Variants in LILRB3 observed in about 807,000 individuals in gnomAD.
LILRB3 encodes the protein leukocyte immunoglobulin like receptor B3, also known as leukocyte immunoglobulin-like receptor subfamily B member 3.
In LILRB3, 32 loss-of-function variants were observed where a neutral mutation model predicts 68.2. That is an observed-to-expected ratio of 0.47 (90% CI 0.35 to 0.63). The LOEUF (loss-of-function observed/expected upper bound fraction) is 0.63. Among genes scored for constraint, LILRB3 ranks in the 30% least tolerant of loss-of-function variants. The probability of loss-of-function intolerance (pLI) is 0.00; values close to 1 mark genes in which losing one functional copy is unlikely to be tolerated. For missense variants in LILRB3, 502 were observed against 791.3 expected, an observed-to-expected ratio of 0.63 and a Z score of 4.39; for synonymous variants, 185 against 323.1, an observed-to-expected ratio of 0.57 and a Z score of 4.58.
chr19:54,217,063 G>A (rs762130070), exon 13 of LILRB3: 4 of 1,614,118 alleles, frequency 2.5e-6, no homozygotes, highest in Admixed American at 1.7e-5. Context: ...GTCTCCTTCT[G>A]CTGAGTGTGG....
In LILRB3 at chr19:54,219,310, G is replaced by A. The variant is rs913555429; in HGVS notation, c.1310-65C>T. The A allele has an allele frequency of 2.5e-5, 38 of 1,506,432 alleles. 1 individual carries two copies. The South Asian group carries it at 2.7e-4, about 11-fold the overall frequency. 93.3% of individuals were successfully genotyped at this position (1,506,432 alleles called of 1,614,324 possible). A position where few individuals can be genotyped will look rare whatever the true frequency, so the allele number is the denominator to read the frequency against. ...ATGTGAGCACCTACTGTGTGCAGGC[G>A]CGAGCCAGGTCTTTCCTTCGTGACC... On this transcript the variant is annotated intron_variant, in intron 7 of 12. Coordinates refer to ENST00000445347, the Ensembl canonical transcript of LILRB3.
rs915455817 is a variant in LILRB3, at chr19:54,216,918, C to T, written c.*175G>A. On this transcript the variant is annotated 3_prime_UTR_variant, in exon 13 of 13. Coordinates refer to ENST00000445347, the Ensembl canonical transcript of LILRB3. ...CTGTTGCTTTATTTCCAAAATGGGA[C>T]GATATTAGTCATCTTTGAGTCAGGT... 8.3e-6 allele frequency: 12 copies of T among 1,444,618 alleles called. No homozygotes were observed. The South Asian group carries it at 9.0e-5, about 11-fold the overall frequency. The allele number at this position is 1,444,618 out of a possible 1,614,324, so 89.5% of individuals were successfully genotyped here.
chr19:54,219,828 C>T (rs1203167987), intron 7 of LILRB3: 1 of 1,539,960 alleles, frequency 6.5e-7, no homozygotes, highest in Admixed American at 2.0e-5. Flanking sequence ...CCCTGCCTCC[C>T]CTGGACCCCG....
At position 54,216,797 on chromosome 19, in the gene LILRB3, A is replaced by T. The variant is rs958671134; in HGVS notation, c.*296T>A. On this transcript the variant is annotated 3_prime_UTR_variant, in exon 13 of 13. Transcript: ENST00000445347. ...AGCCTTAACTTCTTGTGTTCAAGGA[A>T]TCCTCCCCACTCAGCCTCCTGAGTA... 3.1e-6 allele frequency: 4 copies of T among 1,276,154 alleles called. No individual in the cohort carries two copies. In the African/African-American group the frequency reaches 6.0e-5, roughly 19 times the overall value. The allele number at this position is 1,276,154 out of a possible 1,614,324, so 79.1% of individuals were successfully genotyped here.
At position 54,222,944 on chromosome 19, in the gene LILRB3, A is replaced by C. The variant is rs80332440; in HGVS notation, c.33T>G (p.Leu11=). The change falls in exon 1 of 13, where the codon CTT becomes CTG. Residue 11 remains leucine (L), a splice_region_variant and synonymous_variant. Coordinates refer to ENST00000445347, the Ensembl canonical transcript of LILRB3. ...CCCCTCCCCATCTTGAAATCTCACCAAGGCAGAGCAGGGCTGTGAGGGCGG... is the reference window on the plus strand; with the variant it reads ...CCCCTCCCCATCTTGAAATCTCACCCAGGCAGAGCAGGGCTGTGAGGGCGG... The C allele has an allele frequency of 1.9e-6, 3 of 1,612,534 alleles. No individual in the cohort carries two copies. In the East Asian group the frequency reaches 6.7e-5, roughly 36 times the overall value.
exon 8 of LILRB3, chr19:54,219,228 C>T (rs1170219037): frequency 6.3e-7 from 1 of 1,586,080 alleles, no homozygotes; most frequent in Non-Finnish European, 8.6e-7. Context: ...ATCAAAACCT[C>T]CAGGTATCTT....
intron 11 of LILRB3, chr19:54,217,776 G>C: frequency 3.4e-6 from 2 of 588,140 alleles, no homozygotes; most frequent in Middle Eastern, 4.6e-4. Context: ...AGAGGATCAT[G>C]TGCCCCACTC....
chr19:54,218,504 G>A (rs2077717455), intron 10 of LILRB3, 91 bp from the exon 11 acceptor site: 10 of 1,603,544 alleles, frequency 6.2e-6, no homozygotes, highest in African/African-American at 4.0e-5. Context: ...TGGGGCCACC[G>A]AATGCAGGGA....
intron 11 of LILRB3, among the ~76,000 whole-genome samples, chr19:54,217,952 G>A (rs2077654655): frequency 2.0e-5 from 3 of 149,522 alleles, no homozygotes; most frequent in African/African-American, 7.6e-5. Flanking sequence ...ACCGTGAGGT[G>A]AGCTCAGGAG....
At position 54,219,504 on chromosome 19, in the gene LILRB3, T is replaced by C. The variant is rs1301292071; in HGVS notation, c.1310-259A>G. On this transcript the variant is annotated intron_variant, in intron 7 of 12. Transcript: ENST00000445347. ...GAGTCTGACCTGCAGCCCTTGTTCC[T>C]GCACCAGAGCCGAGACCCGGAGCTG... The C allele has an allele frequency of 9.0e-6, 14 of 1,550,410 alleles. No homozygotes were observed. In the East Asian group the frequency reaches 3.4e-4, roughly 38 times the overall value.
rs766849238 is a variant in LILRB3, at chr19:54,222,896, G to C, written c.34+47C>G. 326 of 1,612,452 alleles carry C rather than the reference G, an allele frequency of 2.0e-4. 21 individuals carry two copies. In the African/African-American group the frequency reaches 4.0e-3, roughly 20 times the overall value. On this transcript the variant is annotated intron_variant, in intron 1 of 12. Coordinates refer to ENST00000445347, the Ensembl canonical transcript of LILRB3. ...GGACCAGGGCTTGTGTGTGGGGTGG[G>C]GTTCCTCCAAGACTCGGATCTCCCC...
At chr19:54,219,770 G>C in intron 7 of LILRB3, 1 of 1,489,046 alleles carries the variant, frequency 6.7e-7, no homozygotes, top group Non-Finnish European at 9.1e-7. Flanking sequence ...GGAGGGGCCT[G>C]TCCACATCAC....
chr19:54,219,864 C>T (rs1287549534), intron 7 of LILRB3: 2 of 1,549,012 alleles, frequency 1.3e-6, no homozygotes, highest in Non-Finnish European at 1.7e-6. Context: ...GAGCCCCTCA[C>T]TCACCATTCT....
At chr19:54,222,918 C>T (rs2078352364) in intron 1 of LILRB3, 25 bp downstream of exon 1, 5 of 1,612,560 alleles carry the variant, frequency 3.1e-6, no homozygotes, top group South Asian at 1.1e-5. Context: ...ACTCGGATCT[C>T]CCCCTCCCCA....
At chr19:54,222,691 G>GT in intron 2 of LILRB3, 56 bp downstream of exon 2, 4 of 1,612,488 alleles carry the variant, frequency 2.5e-6, no homozygotes, top group Non-Finnish European at 3.4e-6. Flanking sequence ...CTGCCCATGG[G>GT]TGGCCCCCTG....
exon 13 of LILRB3, chr19:54,216,331 A>T: frequency 8.4e-6 from 1 of 118,954 alleles, no homozygotes; most frequent in Non-Finnish European, 1.7e-5. Flanking sequence ...TTTTTTCGAG[A>T]CGGAATCTCA....
At chr19:54,218,100 C>T (rs1309343523) in intron 11 of LILRB3, among the ~76,000 whole-genome samples, 1 of 150,388 alleles carries the variant, frequency 6.6e-6, no homozygotes, top group Non-Finnish European at 1.5e-5. Context: ...TATTCGTCAT[C>T]CTCCTGAGGC....
intron 2 of LILRB3, 77 bp from the exon 3 acceptor site, chr19:54,222,639 T>G: frequency 1.2e-6 from 2 of 1,611,930 alleles, no homozygotes; most frequent in Non-Finnish European, 1.7e-6. Flanking sequence ...GACTTCCCCA[T>G]CATCCCCATC....
intron 10 of LILRB3, 24 bp downstream of exon 10, chr19:54,218,621 A>G (rs1206772635): frequency 5.0e-6 from 8 of 1,613,764 alleles, no homozygotes; most frequent in Non-Finnish European, 6.8e-6. Flanking sequence ...CAGCACCCCC[A>G]TTTGTCCCCT....
Sources: allele counts gnomAD v4.1 joint callset (sites outside exome capture counted in the v4.1 genomes callset), GRCh38; gene constraint gnomAD v4.1.1; transcripts MANE v1.5; gene names NCBI Gene and HGNC (gene_info 2026-07-23, HGNC 2026-07-21).